Variants in FAF1 observed in about 807,000 individuals in gnomAD.
The protein encoded by FAF1 is Fas associated factor 1.
Under a neutral mutation model 92.5 loss-of-function variants are expected in FAF1, and 25 were observed. The ratio of observed to expected loss-of-function variants is 0.27; its 90% CI spans 0.20 to 0.38. The LOEUF is 0.38. Ranked by LOEUF, FAF1 falls within the 10% of genes least tolerant of loss-of-function variation. The pLI is 1.00. For synonymous variants in FAF1, 234 were observed against 273.2 expected, an observed-to-expected ratio of 0.86 and a Z score of 1.42; for missense variants, 636 against 793.3, an observed-to-expected ratio of 0.80 and a Z score of 2.38.
rs563500353 is a variant in FAF1, at chr1:50,889,150, G to A, written c.46-31153C>T. Among the ~76,000 whole-genome samples the A allele has an allele frequency of 1.1e-3, 166 of 152,298 alleles. 1 individual carries two copies. Among genetic ancestry groups the A allele is most frequent in the Admixed American group, 4.1e-3 (62 of 15,296 alleles). ...CTTCTAGATTTTCTAGTTTATTTGC[G>A]TAGAGGTGTTTACAGTATTCTCTGA... On this transcript the variant is annotated intron_variant, in intron 1 of 18. Coordinates refer to ENST00000396153, the MANE Select transcript of FAF1 (RefSeq NM_007051.3).
chr1:50,686,308 C>A (rs561872149), intron 7 of FAF1, among the ~76,000 whole-genome samples: 1 of 152,102 alleles, frequency 6.6e-6, no homozygotes, highest in East Asian at 1.9e-4. Flanking sequence ...TTTGGGAGGC[C>A]AAGGCAGGCA....
intron 6 of FAF1, among the ~76,000 whole-genome samples, chr1:50,718,772 C>G (rs1243262897): frequency 6.6e-6 from 1 of 152,112 alleles, no homozygotes; most frequent in Non-Finnish European, 1.5e-5. Flanking sequence ...AATGCCCTAA[C>G]ATTTTTTCTC....
chr1:50,441,827 T>C (rs750009894), intron 18 of FAF1, among the ~76,000 whole-genome samples: 5 of 151,982 alleles, frequency 3.3e-5, no homozygotes, highest in Non-Finnish European at 5.9e-5. Flanking sequence ...GGTTAACAAC[T>C]GACTGGCATT....
intron 13 of FAF1, among the ~76,000 whole-genome samples, chr1:50,552,587 G>A (rs1649364463): frequency 6.6e-6 from 1 of 152,106 alleles, no homozygotes; most frequent in African/African-American, 2.4e-5. Flanking sequence ...AAAAGTAATG[G>A]CTTATTATGG....
intron 7 of FAF1, among the ~76,000 whole-genome samples, chr1:50,695,039 A>T (rs185532302): frequency 1.3e-5 from 2 of 152,292 alleles, no homozygotes; most frequent in East Asian, 3.9e-4. Flanking sequence ...AAGAAAGTCA[A>T]TGTGTAAAAC....
intron 2 of FAF1, among the ~76,000 whole-genome samples, chr1:50,847,642 G>C (rs146976386): frequency 3.3e-5 from 5 of 152,160 alleles, no homozygotes; most frequent in African/African-American, 1.2e-4. Context: ...ATCTTAGAAA[G>C]AGGAGAGAGA....
At chr1:50,729,340 C>T (rs1377889912) in intron 6 of FAF1, among the ~76,000 whole-genome samples, 1 of 151,670 alleles carries the variant, frequency 6.6e-6, no homozygotes, top group Non-Finnish European at 1.5e-5. Flanking sequence ...CAGGTGTGAG[C>T]CACCACGCCC....
At chr1:50,554,232 T>A (rs1160745010) in intron 13 of FAF1, among the ~76,000 whole-genome samples, 1 of 151,310 alleles carries the variant, frequency 6.6e-6, no homozygotes, top group Admixed American at 6.6e-5. Flanking sequence ...ACAGGTAGCA[T>A]TGGGATTTAT....
At chr1:50,509,998 T>C (rs984664648) in intron 15 of FAF1, among the ~76,000 whole-genome samples, 1 of 151,834 alleles carries the variant, frequency 6.6e-6, no homozygotes. Flanking sequence ...TGAAACCCTG[T>C]CTCTACTAAA....
intron 3 of FAF1, among the ~76,000 whole-genome samples, chr1:50,800,437 C>T (rs539562674): frequency 6.6e-6 from 1 of 152,272 alleles, no homozygotes; most frequent in African/African-American, 2.4e-5. Flanking sequence ...ATCTGGTTTG[C>T]TTTCTAGACA....
In FAF1 at chr1:50,788,049, T is replaced by C. The variant is rs1264282463; in HGVS notation, c.318A>G (p.Glu106=). ...RQPRMLDFRV[E]YRDRNVDVVL... Reference sequence around the variant, plus strand: ...CCACATCAACATTTCTGTCTCTGTATTCAACCCTGAAGTCCAGCATCCGAG... The same window carrying C: ...CCACATCAACATTTCTGTCTCTGTACTCAACCCTGAAGTCCAGCATCCGAG... Residue 106 remains glutamate (E), a synonymous_variant, in exon 4 of 19, where the codon GAA becomes GAG. Coordinates refer to ENST00000396153, the MANE Select transcript of FAF1 (RefSeq NM_007051.3). 1.2e-6 allele frequency: 2 copies of C among 1,614,082 alleles called. No homozygotes were observed. Among genetic ancestry groups the C allele is most frequent in the Admixed American group, 1.7e-5 (1 of 59,994 alleles).
chr1:50,490,388 G>A (rs556686981), intron 17 of FAF1, among the ~76,000 whole-genome samples, 200 bp downstream of exon 17: 5 of 7,268 alleles, frequency 6.9e-4, no homozygotes, highest in Non-Finnish European at 2.0e-3. Flanking sequence ...TCTCAAAAAG[G>A]AAGGAAGGAA....
rs982896581 is a variant in FAF1 at position 50,859,046 on chromosome 1, C to A, written c.46-1049G>T. 4.6e-5 allele frequency among the ~76,000 whole-genome samples: 7 copies of A among 151,894 alleles called. No homozygotes were observed. In the East Asian group the frequency reaches 1.4e-3, roughly 29 times the overall value. ...AACCACACAATCATCTCAATAGATG[C>A]GGAAAAAGTTTTCAATAAAACCCAA... On this transcript the variant is annotated intron_variant, in intron 1 of 18. Transcript: ENST00000396153.
Position 50,655,547 on chromosome 1 carries a change from A to G in FAF1, c.658-19T>C, listed in dbSNP as rs370590053. The G allele has an allele frequency of 1.6e-5, 23 of 1,468,976 alleles. No individual in the cohort carries two copies. The African/African-American group carries it at 3.2e-4, about 20-fold the overall frequency. 91.0% of individuals were successfully genotyped at this position (1,468,976 alleles called of 1,614,324 possible). ...TCTTTACCTATGAAAAGAAAGAAAC[A>G]GGACAATTAAAATAGAATTTTCACA... On this transcript the variant is annotated intron_variant, in intron 7 of 18. Transcript: ENST00000396153.
intron 1 of FAF1, among the ~76,000 whole-genome samples, chr1:50,897,058 C>G (rs1301246530): frequency 1.3e-5 from 2 of 152,138 alleles, no homozygotes; most frequent in Non-Finnish European, 2.9e-5. Context: ...ACACTATTTA[C>G]ATTAGCTCCA....
At chr1:50,737,961 G>T (rs1224719150) in intron 6 of FAF1, among the ~76,000 whole-genome samples, 2 of 152,106 alleles carry the variant, frequency 1.3e-5, no homozygotes, top group Non-Finnish European at 2.9e-5. Context: ...TGTATGAAAA[G>T]ATTCCTCATA....
At chr1:50,866,939 T>C (rs1009156376) in intron 1 of FAF1, among the ~76,000 whole-genome samples, 4 of 152,104 alleles carry the variant, frequency 2.6e-5, no homozygotes, top group Non-Finnish European at 4.4e-5. Flanking sequence ...CTTCAAACTA[T>C]ACTACAAGGC....
At chr1:50,725,872 G>A (rs985232904) in intron 6 of FAF1, among the ~76,000 whole-genome samples, 1 of 152,172 alleles carries the variant, frequency 6.6e-6, no homozygotes, top group Non-Finnish European at 1.5e-5. Flanking sequence ...ATAGTTAAAT[G>A]CAACTTCACA....
chr1:50,617,693 G>GT (rs61376152), intron 8 of FAF1, among the ~76,000 whole-genome samples: 11,571 of 119,146 alleles, frequency 0.097, 570 homozygotes, highest in South Asian at 0.13. Flanking sequence ...CTCCTCTTCT[G>GT]TTTTTTTTTT....
Sources: gnomAD v4.1 joint callset for allele counts (sites outside exome capture counted in the v4.1 genomes callset) on GRCh38, gnomAD v4.1.1 for gene constraint, MANE v1.5 for transcripts, NCBI Gene and HGNC (gene_info 2026-07-23, HGNC 2026-07-21) for gene names.